LRP12: variants seen among roughly 807,000 people sequenced by gnomAD.
LRP12 encodes low-density lipoprotein receptor-related protein 12.
A neutral mutation model predicts 66.0 loss-of-function variants in LRP12; 14 were observed. The observed-to-expected ratio is 0.21, with a 90% CI of 0.14 to 0.33. LRP12 has a LOEUF of 0.33. LRP12 is among the 10% of genes least tolerant of loss of function. LRP12 has a pLI of 1.00. For missense variants in LRP12, 889 were observed against 1,053.4 expected, an observed-to-expected ratio of 0.84 and a Z score of 2.16; for synonymous variants, 357 against 359.1, an observed-to-expected ratio of 0.99 and a Z score of 0.07.
At chr8:104,508,624 G>A (rs1484567121) in intron 3 of LRP12, 1 of 199,136 alleles carries the variant, frequency 5.0e-6, no homozygotes, top group Non-Finnish European at 1.0e-5. Context: ...TTGTTTATTT[G>A]TTTGTTCCAC....
chr8:104,511,596 AT>A (rs1467255413), intron 2 of LRP12, among the ~76,000 whole-genome samples: 1 of 152,200 alleles, frequency 6.6e-6, no homozygotes, highest in African/African-American at 2.4e-5. Context: ...TAGGAAGTAT[AT>A]TATGTAATTT....
chr8:104,523,015 A>G (rs1046922304), intron 2 of LRP12, among the ~76,000 whole-genome samples: 1 of 152,184 alleles, frequency 6.6e-6, no homozygotes, highest in Non-Finnish European at 1.5e-5. Context: ...AAGTTTCTAG[A>G]GTCATTAAAT....
chr8:104,519,708 A>G (rs1185758163), intron 2 of LRP12, among the ~76,000 whole-genome samples: 2 of 152,046 alleles, frequency 1.3e-5, no homozygotes. Flanking sequence ...ATATTAATCC[A>G]TCACTCCCAC....
Position 104,588,716 on chromosome 8 carries a change from G to A in LRP12, c.79+103C>T, listed in dbSNP as rs896887140. 9 of 901,004 alleles carry A rather than the reference G, an allele frequency of 1.0e-5. 1 individual carries two copies. The African/African-American group carries it at 1.4e-4, about 14-fold the overall frequency. The allele number at this position is 901,004 out of a possible 1,614,324, so 55.8% of individuals were successfully genotyped here. A position where few individuals can be genotyped will look rare whatever the true frequency, so the allele number is the denominator to read the frequency against. ...GGTCTTTGTCCCGCCGGTAGCCAGG[G>A]TCTCCGCGGGAGTCTCCAGGGGAAC... On this transcript the variant is annotated intron_variant, in intron 1 of 6. Coordinates refer to ENST00000276654, the MANE Select transcript of LRP12 (RefSeq NM_013437.5).
rs753961373 is a variant in LRP12 at position 104,588,919 on chromosome 8, AGAG to A, written c.-25_-23del. 9 of 1,579,062 alleles carry A rather than the reference AGAG, an allele frequency of 5.7e-6. No homozygotes were observed. The highest frequency in any genetic ancestry group is 1.4e-5 in the African/African-American group (1 of 73,624). On this transcript the variant is annotated 5_prime_UTR_variant, in exon 1 of 7. Coordinates refer to ENST00000276654, the MANE Select transcript of LRP12 (RefSeq NM_013437.5). Reference sequence around the variant, plus strand: ...CCATAACCACAGCAGATGGAGAGAGAGAGGAGGAGACGGAGGAGGAGGGAGGAG... The same window carrying A: ...CCATAACCACAGCAGATGGAGAGAGAGAGGAGACGGAGGAGGAGGGAGGAG...
chr8:104,520,602 A>G (rs1395800359), intron 2 of LRP12, among the ~76,000 whole-genome samples: 1 of 152,000 alleles, frequency 6.6e-6, no homozygotes, highest in African/African-American at 2.4e-5. Flanking sequence ...ACAATACCAG[A>G]GTACGTTTGC....
intron 6 of LRP12, among the ~76,000 whole-genome samples, chr8:104,493,622 T>C (rs1024948049): frequency 4.6e-5 from 7 of 152,112 alleles, no homozygotes; most frequent in African/African-American, 1.7e-4. Context: ...ACACCAACAG[T>C]GTCATGTAGG....
At chr8:104,586,351 G>A (rs566718366) in intron 1 of LRP12, among the ~76,000 whole-genome samples, 1 of 152,340 alleles carries the variant, frequency 6.6e-6, no homozygotes, top group South Asian at 2.1e-4. Context: ...GCACACCTTA[G>A]AGTCATTTCA....
chr8:104,503,646 G>A (rs918178776), intron 3 of LRP12, among the ~76,000 whole-genome samples: 5 of 152,028 alleles, frequency 3.3e-5, no homozygotes, highest in Non-Finnish European at 5.9e-5. Context: ...CTTAGAAATT[G>A]ATCTTATGTT....
Position 104,563,534 on chromosome 8 carries a change from C to T in LRP12, c.79+25285G>A, listed in dbSNP as rs776892000. The stretch of plus-strand genomic sequence containing the variant: ...ATAAATACATATACATACATACATT[C>T]GCAGAGTCTGAATATTTGTATCCTT... On this transcript the variant is annotated intron_variant, in intron 1 of 6. Coordinates refer to ENST00000276654, the MANE Select transcript of LRP12 (RefSeq NM_013437.5). Among the ~76,000 whole-genome samples the T allele has an allele frequency of 2.6e-4, 40 of 151,984 alleles. 1 individual carries two copies. Among genetic ancestry groups the T allele is most frequent in the Non-Finnish European group, 5.0e-4 (34 of 67,980 alleles).
In LRP12 at chr8:104,489,919, C is replaced by T. The variant is rs1237300243; in HGVS notation, c.*754G>A. On this transcript the variant is annotated 3_prime_UTR_variant, in exon 7 of 7. Coordinates refer to ENST00000276654, the MANE Select transcript of LRP12 (RefSeq NM_013437.5). Reference sequence around the variant, plus strand: ...GTTTTATAAAGTTCAAGATTTAATGCATAGTAGAATATCTTCATCCACTTA... The same window carrying T: ...GTTTTATAAAGTTCAAGATTTAATGTATAGTAGAATATCTTCATCCACTTA... 2 of 152,524 alleles carry T rather than the reference C, an allele frequency of 1.3e-5. No homozygotes were observed. The highest frequency in any genetic ancestry group is 6.5e-5 in the Admixed American group (1 of 15,276). The allele number at this position is 152,524 out of a possible 1,614,324, so 9.4% of individuals were successfully genotyped here.
intron 3 of LRP12, chr8:104,508,631 C>T (rs967971637): frequency 2.4e-5 from 5 of 204,394 alleles, no homozygotes; most frequent in Non-Finnish European, 4.0e-5. Flanking sequence ...TTTGTTTGTT[C>T]CACTGCCAAA....
intron 1 of LRP12, among the ~76,000 whole-genome samples, chr8:104,581,795 G>T (rs757740387): frequency 6.6e-6 from 1 of 151,878 alleles, no homozygotes; most frequent in East Asian, 1.9e-4. Context: ...AGACAGACAT[G>T]AACCTTAGGC....
chr8:104,573,209 T>C (rs192395003), intron 1 of LRP12, among the ~76,000 whole-genome samples: 2 of 152,340 alleles, frequency 1.3e-5, no homozygotes, highest in Non-Finnish European at 2.9e-5. Flanking sequence ...AGTACACTAC[T>C]AGGTCATAGT....
chr8:104,562,936 A>G (rs184557528), intron 1 of LRP12, among the ~76,000 whole-genome samples: 1 of 152,222 alleles, frequency 6.6e-6, no homozygotes, highest in African/African-American at 2.4e-5. Context: ...CAGCACCACA[A>G]GCAGATGAGT....
chr8:104,580,901 A>C (rs1812240190), intron 1 of LRP12, among the ~76,000 whole-genome samples: 1 of 152,220 alleles, frequency 6.6e-6, no homozygotes, highest in Non-Finnish European at 1.5e-5. Flanking sequence ...AAAAACAGAA[A>C]TATCATTGAC....
intron 1 of LRP12, among the ~76,000 whole-genome samples, chr8:104,540,674 GTAA>G (rs1167552150): frequency 1.3e-5 from 2 of 152,048 alleles, no homozygotes; most frequent in Non-Finnish European, 2.9e-5. Context: ...TAAAATAATA[GTAA>G]TAATTATTTA....
At chr8:104,566,994 G>A (rs1286630004) in intron 1 of LRP12, among the ~76,000 whole-genome samples, 2 of 149,634 alleles carry the variant, frequency 1.3e-5, no homozygotes, top group Non-Finnish European at 3.0e-5. Context: ...CGTAATAAAT[G>A]TCATTTTATT....
chr8:104,564,497 G>A (rs997326327), intron 1 of LRP12, among the ~76,000 whole-genome samples: 17 of 152,080 alleles, frequency 1.1e-4, no homozygotes, highest in African/African-American at 4.1e-4. Flanking sequence ...TCTGAGGAAA[G>A]GACCTACAAT....
Sources: allele counts gnomAD v4.1 joint callset (sites outside exome capture counted in the v4.1 genomes callset), GRCh38; gene constraint gnomAD v4.1.1; transcripts MANE v1.5; gene names NCBI Gene and HGNC (gene_info 2026-07-23, HGNC 2026-07-21).